PDE4D: variants seen among roughly 807,000 people sequenced by gnomAD.
PDE4D encodes 3',5'-cyclic-AMP phosphodiesterase 4D.
In PDE4D, 24 loss-of-function variants were observed where a neutral mutation model predicts 87.4. The ratio of observed to expected loss-of-function variants is 0.27; its 90% CI spans 0.20 to 0.39. PDE4D has a LOEUF of 0.39. PDE4D is among the 10% of genes least tolerant of loss of function. The pLI is 1.00. For synonymous variants in PDE4D, 384 were observed against 383.2 expected (o/e 1.00, Z -0.02); for missense variants, 714 against 1,041.0 (o/e 0.69, Z 4.32).
intron 1 of PDE4D, among the ~76,000 whole-genome samples, chr5:60,380,483 A>G (rs1418834983): frequency 6.6e-6 from 1 of 152,220 alleles, no homozygotes; most frequent in East Asian, 1.9e-4. Flanking sequence ...ATGGTTCTAT[A>G]ATACGCTCTT....
At position 58,970,289 on chromosome 5, in the gene PDE4D, TC is replaced by T. The variant is rs1742390335; in HGVS notation, c.*4374del. On this transcript the variant is annotated 3_prime_UTR_variant, in exon 15 of 15. Transcript: ENST00000340635. ...TAAGGATGTTTTTGTAATTATAGTG[TC>T]CCCTTTGTACTGTTTAAAACAAAAG... 6.6e-6 allele frequency: 1 copy of T among 152,144 alleles called. No individual in the cohort carries two copies. The highest frequency in any genetic ancestry group is 6.5e-5 in the Admixed American group (1 of 15,270). 9.4% of individuals were successfully genotyped at this position (152,144 alleles called of 1,614,324 possible).
chr5:59,217,311 T>A (rs1751475979), intron 1 of PDE4D: 1 of 454,778 alleles, frequency 2.2e-6, no homozygotes, highest in Non-Finnish European at 4.4e-6. Flanking sequence ...GTCATTAATA[T>A]TTTCCCCATT....
intron 5 of PDE4D, among the ~76,000 whole-genome samples, chr5:59,070,445 A>G (rs1387997967): frequency 6.6e-6 from 1 of 152,200 alleles, no homozygotes; most frequent in Non-Finnish European, 1.5e-5. Context: ...TCTCTAAATG[A>G]TATAACTTTA....
chr5:60,309,496 T>A (rs1754808957), intron 1 of PDE4D, among the ~76,000 whole-genome samples: 1 of 152,168 alleles, frequency 6.6e-6, no homozygotes, highest in Non-Finnish European at 1.5e-5. Flanking sequence ...ATTAGTAGAC[T>A]AGATAGAGAG....
intron 1 of PDE4D, among the ~76,000 whole-genome samples, chr5:60,414,268 T>C (rs1325995130): frequency 6.6e-6 from 1 of 152,240 alleles, no homozygotes; most frequent in African/African-American, 2.4e-5. Context: ...GTAGTTTTTA[T>C]GTGTTAATCT....
chr5:59,663,255 C>T (rs578066981), intron 1 of PDE4D, among the ~76,000 whole-genome samples: 1 of 152,024 alleles, frequency 6.6e-6, no homozygotes, highest in Non-Finnish European at 1.5e-5. Context: ...ACCTCTGCCT[C>T]CTGGGTTCAT....
chr5:59,359,027 C>T (rs905425334), intron 1 of PDE4D, among the ~76,000 whole-genome samples: 5 of 152,178 alleles, frequency 3.3e-5, no homozygotes, highest in African/African-American at 1.2e-4. Flanking sequence ...AAATAATTAA[C>T]TGCCTTTGCT....
chr5:59,372,963 C>A (rs1392503486), intron 1 of PDE4D, among the ~76,000 whole-genome samples: 4 of 152,044 alleles, frequency 2.6e-5, no homozygotes, highest in African/African-American at 7.3e-5. Flanking sequence ...TCAGCTGAAT[C>A]CACCTAATAC....
intron 1 of PDE4D, among the ~76,000 whole-genome samples, chr5:59,343,936 G>A (rs1401829234): frequency 2.6e-5 from 4 of 152,056 alleles, no homozygotes; most frequent in Non-Finnish European, 2.9e-5. Flanking sequence ...GTCATATTAT[G>A]ATTACCATTT....
intron 5 of PDE4D, among the ~76,000 whole-genome samples, chr5:59,132,992 C>A (rs1265386659): frequency 6.6e-6 from 1 of 152,150 alleles, no homozygotes; most frequent in Non-Finnish European, 1.5e-5. Context: ...TCAAAGAATA[C>A]ATTGGGATAA....
At chr5:60,379,274 T>G (rs1277382748) in intron 1 of PDE4D, among the ~76,000 whole-genome samples, 1 of 152,236 alleles carries the variant, frequency 6.6e-6, no homozygotes, top group Non-Finnish European at 1.5e-5. Context: ...GTTTTTATTT[T>G]TAGAAACACT....
At chr5:59,151,823 G>A (rs1329846892) in intron 5 of PDE4D, among the ~76,000 whole-genome samples, 1 of 152,102 alleles carries the variant, frequency 6.6e-6, no homozygotes, top group Non-Finnish European at 1.5e-5. Context: ...ATTTTAGGGA[G>A]CTGGGAATGA....
intron 6 of PDE4D, among the ~76,000 whole-genome samples, chr5:59,011,055 T>G (rs1752694223): frequency 6.6e-6 from 1 of 151,934 alleles, no homozygotes; most frequent in African/African-American, 2.4e-5. Flanking sequence ...TCCAGCAAAC[T>G]CGAACAGACC....
At chr5:59,215,439 A>G (rs1270815592) in intron 2 of PDE4D, 3 of 280,636 alleles carry the variant, frequency 1.1e-5, no homozygotes, top group Non-Finnish European at 1.3e-5. Flanking sequence ...GTAGTTAGGT[A>G]GCTAAAACTC....
intron 1 of PDE4D, among the ~76,000 whole-genome samples, chr5:60,237,053 C>A (rs1196862044): frequency 6.6e-6 from 1 of 151,910 alleles, no homozygotes; most frequent in Non-Finnish European, 1.5e-5. Flanking sequence ...TCACTACACA[C>A]CTCTTTGAAC....
chr5:60,390,646 T>A (rs1362752663), intron 1 of PDE4D, among the ~76,000 whole-genome samples: 41 of 138,694 alleles, frequency 3.0e-4, no homozygotes, highest in Middle Eastern at 3.4e-3. Context: ...AATGATAATT[T>A]AAAAAAAAAA....
At chr5:60,499,049 A>G (rs1411213807) in intron 1 of PDE4D, among the ~76,000 whole-genome samples, 1 of 152,184 alleles carries the variant, frequency 6.6e-6, no homozygotes, top group African/African-American at 2.4e-5. Flanking sequence ...ATTCCACCCA[A>G]CGCAGATCCT....
chr5:59,558,807 A>C (rs1019519815), intron 1 of PDE4D: 18 of 152,214 alleles, frequency 1.2e-4, no homozygotes, highest in African/African-American at 3.6e-4. Context: ...AATTCAGGAA[A>C]ACTTAAGGAA....
intron 1 of PDE4D, among the ~76,000 whole-genome samples, chr5:59,617,476 T>A (rs1335922894): frequency 6.6e-6 from 1 of 152,206 alleles, no homozygotes; most frequent in Non-Finnish European, 1.5e-5. Flanking sequence ...TACGTGAGAA[T>A]GTGACCTTAC....
Sources: gnomAD v4.1 joint callset for allele counts (sites outside exome capture counted in the v4.1 genomes callset) on GRCh38, gnomAD v4.1.1 for gene constraint, MANE v1.5 for transcripts, NCBI Gene and HGNC (gene_info 2026-07-23, HGNC 2026-07-21) for gene names.